CALN1: variants seen among roughly 807,000 people sequenced by gnomAD.
CALN1 encodes calneuron 1.
A neutral mutation model predicts 30.6 loss-of-function variants in CALN1; 17 were observed. The observed-to-expected ratio is 0.56, with a 90% CI of 0.38 to 0.83. The LOEUF (loss-of-function observed/expected upper bound fraction) is 0.83. CALN1 is among the 40% of genes least tolerant of loss of function. The probability of loss-of-function intolerance (pLI) is 0.00; values close to 1 mark genes in which losing one functional copy is unlikely to be tolerated. For synonymous variants in CALN1, 156 were observed against 131.4 expected, an observed-to-expected ratio of 1.19 and a Z score of -1.28; for missense variants, 291 against 354.9, an observed-to-expected ratio of 0.82 and a Z score of 1.45.
At chr7:72,278,009 G>GGC (rs5884880) in intron 3 of CALN1, among the ~76,000 whole-genome samples, 23,859 of 68,982 alleles carry the variant, frequency 0.35, 4,387 homozygotes, top group East Asian at 0.52. Flanking sequence ...CCTCTATTCC[G>GGC]GGGGGGGGGG....
intron 3 of CALN1, among the ~76,000 whole-genome samples, chr7:72,273,781 G>A (rs1288637277): frequency 6.6e-6 from 1 of 151,926 alleles, no homozygotes; most frequent in Non-Finnish European, 1.5e-5. Flanking sequence ...AAAGTGCTGG[G>A]ATTACATAGG....
At chr7:72,338,290 G>C (rs1191474588) in intron 2 of CALN1, among the ~76,000 whole-genome samples, 1 of 152,076 alleles carries the variant, frequency 6.6e-6, no homozygotes, top group South Asian at 2.1e-4. Context: ...CTGCTCACCA[G>C]CTCAGATGTC....
chr7:72,401,639 G>C (rs1448934081), intron 2 of CALN1, among the ~76,000 whole-genome samples: 1 of 152,166 alleles, frequency 6.6e-6, no homozygotes. Flanking sequence ...CCAGAGGCAG[G>C]TGACACTCAA....
intron 2 of CALN1, among the ~76,000 whole-genome samples, chr7:72,306,342 G>C (rs1364978004): frequency 7.9e-5 from 12 of 152,114 alleles, no homozygotes; most frequent in Admixed American, 7.9e-4. Flanking sequence ...TTTTTTAAAG[G>C]TCTGAATAGA....
At chr7:71,940,166 T>G (rs1430190111) in intron 5 of CALN1, among the ~76,000 whole-genome samples, 1 of 152,214 alleles carries the variant, frequency 6.6e-6, no homozygotes, top group Admixed American at 6.5e-5. Flanking sequence ...ACTTTTTTTC[T>G]CCTCAGCACT....
chr7:72,306,702 T>G (rs1799678858), intron 2 of CALN1, among the ~76,000 whole-genome samples: 1 of 151,832 alleles, frequency 6.6e-6, no homozygotes, highest in Non-Finnish European at 1.5e-5. Context: ...GAAGCCCCCA[T>G]TTTGAGTTAT....
intron 1 of CALN1, among the ~76,000 whole-genome samples, chr7:72,445,085 CACACA>C (rs1444744801): frequency 2.0e-5 from 3 of 151,798 alleles, no homozygotes; most frequent in Non-Finnish European, 4.4e-5. Context: ...CACACACACA[CACACA>C]CACACACACA....
At chr7:71,790,932 G>A (rs1793347139) in intron 6 of CALN1, among the ~76,000 whole-genome samples, 1 of 152,116 alleles carries the variant, frequency 6.6e-6, no homozygotes, top group Non-Finnish European at 1.5e-5. Context: ...TTTACATTCA[G>A]CTGTTAAAGA....
upstream of CALN1, among the ~76,000 whole-genome samples, chr7:72,417,119 C>A (rs969653357): frequency 6.6e-6 from 1 of 152,154 alleles, no homozygotes; most frequent in Non-Finnish European, 1.5e-5. Flanking sequence ...GAGGGCGGTC[C>A]CAGCCGTGAT....
intron 3 of CALN1, among the ~76,000 whole-genome samples, chr7:72,112,018 T>C (rs961520502): frequency 6.6e-6 from 1 of 152,124 alleles, no homozygotes; most frequent in Non-Finnish European, 1.5e-5. Flanking sequence ...CCCAAAGTGC[T>C]AGGATAACAG....
chr7:71,962,120 C>G (rs1370434661), intron 5 of CALN1, among the ~76,000 whole-genome samples: 4 of 151,854 alleles, frequency 2.6e-5, no homozygotes, highest in Non-Finnish European at 5.9e-5. Context: ...TGGCCAGGCA[C>G]AATGGCTCAC....
intron 3 of CALN1, among the ~76,000 whole-genome samples, chr7:72,236,623 G>A (rs1348351157): frequency 6.6e-6 from 1 of 152,200 alleles, no homozygotes; most frequent in African/African-American, 2.4e-5. Flanking sequence ...AAAACGCCAG[G>A]CTCATCGCAA....
intron 5 of CALN1, among the ~76,000 whole-genome samples, chr7:71,982,179 C>A (rs991144636): frequency 5.9e-5 from 9 of 152,162 alleles, no homozygotes; most frequent in African/African-American, 2.2e-4. Context: ...CCCTCTGTCT[C>A]CCTGCCTCTG....
chr7:71,856,265 CTTCA>C (rs1309965124), intron 5 of CALN1, among the ~76,000 whole-genome samples: 1 of 151,468 alleles, frequency 6.6e-6, no homozygotes, highest in Non-Finnish European at 1.5e-5. Context: ...TTCTGCAATC[CTTCA>C]TTAATTTTAA....
chr7:71,947,890 G>T (rs552518607), intron 5 of CALN1, among the ~76,000 whole-genome samples: 3 of 149,082 alleles, frequency 2.0e-5, no homozygotes, highest in Admixed American at 6.7e-5. Flanking sequence ...CAGTGAGCTA[G>T]TTGCACTGCA....
intron 3 of CALN1, among the ~76,000 whole-genome samples, chr7:72,209,075 CTCCTT>C (rs1387366037): frequency 7.5e-6 from 1 of 133,154 alleles, no homozygotes; most frequent in East Asian, 2.4e-4. Flanking sequence ...CCTGTCCTCT[CTCCTT>C]CCCTTCCCTC....
chr7:72,501,370 TAAAAAAAAA>T, the CALN1 span, among the ~76,000 whole-genome samples: 138 of 42,808 alleles, frequency 3.2e-3, no homozygotes, highest in African/African-American at 8.9e-3. Context: ...ACGTCTCTAT[TAAAAAAAAA>T]AAAAAAAAAA....
chr7:72,193,690 A>G (rs1015519609), intron 3 of CALN1, among the ~76,000 whole-genome samples: 1 of 152,220 alleles, frequency 6.6e-6, no homozygotes, highest in Non-Finnish European at 1.5e-5. Flanking sequence ...GCATCTATGT[A>G]TCTCAATATA....
chr7:71,814,978 T>C (rs868509499), intron 5 of CALN1, among the ~76,000 whole-genome samples: 19 of 151,758 alleles, frequency 1.3e-4, no homozygotes, highest in African/African-American at 4.6e-4. Flanking sequence ...GGACTACAGG[T>C]GCCCGCCACC....
Sources: allele counts gnomAD v4.1 joint callset (sites outside exome capture counted in the v4.1 genomes callset), GRCh38; gene constraint gnomAD v4.1.1; transcripts MANE v1.5; gene names NCBI Gene and HGNC (gene_info 2026-07-23, HGNC 2026-07-21).